ADAD1: variants seen among roughly 807,000 people sequenced by gnomAD.
The protein encoded by ADAD1 is adenosine deaminase domain containing 1.
A neutral mutation model predicts 66.8 loss-of-function variants in ADAD1; 46 were observed. The ratio of observed to expected loss-of-function variants is 0.69; its 90% CI spans 0.54 to 0.88. The LOEUF is 0.88. Ranked by LOEUF, ADAD1 falls within the 40% of genes least tolerant of loss-of-function variation. The pLI is 0.00. For missense variants in ADAD1, 617 were observed against 681.8 expected, an observed-to-expected ratio of 0.91 and a Z score of 1.06; for synonymous variants, 248 against 229.4, an observed-to-expected ratio of 1.08 and a Z score of -0.73.
At chr4:122,418,212 A>T (rs1281787106) in intron 11 of ADAD1, among the ~76,000 whole-genome samples, 1 of 152,116 alleles carries the variant, frequency 6.6e-6, no homozygotes, top group African/African-American at 2.4e-5. Flanking sequence ...CCACACAAAT[A>T]TAATTTAAAA....
In ADAD1 at chr4:122,426,381, T is replaced by TC. The variant is rs1175411807; in HGVS notation, c.1618-3244dup. Among the ~76,000 whole-genome samples, 3 of 152,170 alleles carry TC rather than the reference T, an allele frequency of 2.0e-5. No individual in the cohort carries two copies. In the East Asian group the frequency reaches 5.8e-4, roughly 29 times the overall value. ...GAAAATCTCAGACACATATATGACT[T>TC]CACTGGTGAATTCTGTCAAACATAT... On this transcript the variant is annotated intron_variant, in intron 12 of 12. Coordinates refer to ENST00000296513, the MANE Select transcript of ADAD1 (RefSeq NM_139243.4).
chr4:122,411,439 C>A (rs758489560), intron 9 of ADAD1, 47 bp downstream of exon 9: 32 of 1,521,984 alleles, frequency 2.1e-5, no homozygotes, highest in Non-Finnish European at 2.8e-5. Flanking sequence ...GATGGCCATG[C>A]CATACATTCT....
chr4:122,410,080 G>T (rs573129993), intron 8 of ADAD1, among the ~76,000 whole-genome samples: 1 of 152,218 alleles, frequency 6.6e-6, no homozygotes, highest in Admixed American at 6.5e-5. Context: ...TTAAATCTCT[G>T]CATTCTCACT....
intron 5 of ADAD1, among the ~76,000 whole-genome samples, chr4:122,389,127 A>G (rs1024569050): frequency 1.3e-5 from 2 of 152,164 alleles, no homozygotes; most frequent in Non-Finnish European, 2.9e-5. Flanking sequence ...TTATTTACCC[A>G]GGAGTCATTC....
At chr4:122,409,824 C>G (rs1024219717) in intron 8 of ADAD1, among the ~76,000 whole-genome samples, 3 of 151,988 alleles carry the variant, frequency 2.0e-5, no homozygotes, top group South Asian at 2.1e-4. Context: ...CTCAGCCTCC[C>G]GAGTAGCTGG....
intron 12 of ADAD1, among the ~76,000 whole-genome samples, chr4:122,423,976 A>G (rs183833228): frequency 1.6e-4 from 25 of 152,278 alleles, no homozygotes; most frequent in Middle Eastern, 6.8e-3. Context: ...TGTACACTTT[A>G]AAGGGTAAAT....
intron 11 of ADAD1, 136 bp downstream of exon 11, chr4:122,415,752 CTA>C (rs747031999): frequency 1.2e-6 from 1 of 834,732 alleles, no homozygotes; most frequent in Non-Finnish European, 1.8e-6. Flanking sequence ...TCAAGTGTGA[CTA>C]TGTTACAGGC....
At chr4:122,421,240 A>G in intron 11 of ADAD1, 21 bp from the exon 12 acceptor site, 1 of 1,510,164 alleles carries the variant, frequency 6.6e-7, no homozygotes. Context: ...AATTTAAAAA[A>G]TTTTATTTCT....
At chr4:122,394,451 G>A (rs1795601958) in intron 6 of ADAD1, among the ~76,000 whole-genome samples, 1 of 152,154 alleles carries the variant, frequency 6.6e-6, no homozygotes, top group African/African-American at 2.4e-5. Flanking sequence ...CCATTTTCAG[G>A]CCTGCAGGTT....
rs748088903 is a variant in ADAD1 at position 122,383,846 on chromosome 4, A to G, written c.409A>G (p.Ile137Val). The G allele has an allele frequency of 6.2e-7, 1 of 1,613,526 alleles. No individual in the cohort carries two copies. The highest frequency in any genetic ancestry group is 1.3e-5 in the African/African-American group (1 of 74,918). Residue 137 changes from isoleucine (I) to valine (V), a missense_variant, in exon 5 of 13, where the codon ATT becomes GTT. Coordinates refer to ENST00000296513, the MANE Select transcript of ADAD1 (RefSeq NM_139243.4). ...TGCCTTTTGTGCTGTGGTGGATGGTATTCAGTACAAGACTGGACTGGGACA... is the reference window on the plus strand; with the variant it reads ...TGCCTTTTGTGCTGTGGTGGATGGTGTTCAGTACAAGACTGGACTGGGACA... ...YFAFCAVVDG[I>V]QYKTGLGQNK...
At chr4:122,428,579 T>C (rs1303971518) in intron 12 of ADAD1, among the ~76,000 whole-genome samples, 1 of 152,198 alleles carries the variant, frequency 6.6e-6, no homozygotes, top group Non-Finnish European at 1.5e-5. Context: ...GGAATATTAA[T>C]CAGCAATAAA....
In ADAD1 at chr4:122,412,582, G is replaced by A. The variant is rs768463698; in HGVS notation, c.1022G>A (p.Arg341His). 45 of 1,612,784 alleles carry A rather than the reference G, an allele frequency of 2.8e-5. No individual in the cohort carries two copies. The highest frequency in any genetic ancestry group is 3.6e-5 in the Non-Finnish European group (43 of 1,179,386). The change falls in exon 10 of 13, where the codon CGT (arginine) becomes CAT (histidine). Residue 341 changes from arginine (R) to histidine (H), a missense_variant and splice_region_variant. Physicochemically the swap from Arg to His is conservative, Grantham distance 29. Coordinates refer to ENST00000296513, the MANE Select transcript of ADAD1 (RefSeq NM_139243.4). ...GAAACTTTCTTTTCTTTCTCTAGAC[G>A]TCTTAATCCACATTCTATATCTGCA... is the stretch of plus-strand genomic sequence containing the variant. ...KGSAQIKSQL[R>H]LNPHSISAFE... is the part of the protein sequence containing the mutation.
At chr4:122,387,876 G>A (rs534331835) in intron 5 of ADAD1, among the ~76,000 whole-genome samples, 2 of 151,392 alleles carry the variant, frequency 1.3e-5, no homozygotes, top group African/African-American at 4.8e-5. Context: ...TCTCCTGCCT[G>A]AGCCTCCCGA....
chr4:122,422,544 A>T (rs1037817211), intron 12 of ADAD1, among the ~76,000 whole-genome samples: 1 of 152,200 alleles, frequency 6.6e-6, no homozygotes. Context: ...AATTTTACCA[A>T]CTTAATGCTC....
chr4:122,382,418 T>G (rs926711905), intron 4 of ADAD1, among the ~76,000 whole-genome samples: 3 of 152,218 alleles, frequency 2.0e-5, no homozygotes, highest in Non-Finnish European at 4.4e-5. Flanking sequence ...AGGCTCCGCA[T>G]TCTGACACAG....
intron 7 of ADAD1, among the ~76,000 whole-genome samples, chr4:122,399,184 A>G (rs77500501): frequency 0.014 from 2,136 of 152,278 alleles, 54 homozygotes; most frequent in African/African-American, 0.048. Flanking sequence ...ATTGTTATAC[A>G]TGTGGCTTGC....
At chr4:122,387,120 T>G (rs1795208527) in intron 5 of ADAD1, among the ~76,000 whole-genome samples, 1 of 16,000 alleles carries the variant, frequency 6.3e-5, no homozygotes, top group African/African-American at 1.6e-4. Context: ...TAAATTAGTT[T>G]GGGCAGTATG....
At chr4:122,389,806 C>A (rs1795350581) in intron 5 of ADAD1, among the ~76,000 whole-genome samples, 1 of 152,110 alleles carries the variant, frequency 6.6e-6, no homozygotes, top group South Asian at 2.1e-4. Context: ...GACTCCTTAC[C>A]CAGTGTGCCA....
rs1430545582 is a variant in ADAD1, at chr4:122,412,689, G to A, written c.1129G>A (p.Val377Ile). ...YLTVYCPKDG[V>I]NRISSMSSSD... Reference sequence around the variant, plus strand: ...GACTGTTTACTGTCCTAAAGATGGTGTTAATAGAATAAGCAGTATGTCCTC... The same window carrying A: ...GACTGTTTACTGTCCTAAAGATGGTATTAATAGAATAAGCAGTATGTCCTC... Residue 377 changes from valine to isoleucine, a missense_variant, in exon 10 of 13, where the codon GTT becomes ATT. Physicochemically the swap from Val to Ile is conservative, Grantham distance 29. Transcript: ENST00000296513. 4 of 1,613,940 alleles carry A rather than the reference G, an allele frequency of 2.5e-6. No homozygotes were observed. The East Asian group carries it at 6.7e-5, about 27-fold the overall frequency.
Sources: gnomAD v4.1 joint callset for allele counts (sites outside exome capture counted in the v4.1 genomes callset) on GRCh38, gnomAD v4.1.1 for gene constraint, MANE v1.5 for transcripts, NCBI Gene and HGNC (gene_info 2026-07-23, HGNC 2026-07-21) for gene names.